TCFL5: variants seen among roughly 807,000 people sequenced by gnomAD.
TCFL5 encodes the protein transcription factor-like 5 protein.
TCFL5 carries 9 observed loss-of-function variants against 44.3 expected under a neutral mutation model. That is an observed-to-expected ratio of 0.20 (90% CI 0.12 to 0.35). The LOEUF is 0.35. Ranked by LOEUF, TCFL5 falls within the 10% of genes least tolerant of loss-of-function variation. The pLI, the probability that TCFL5 is intolerant of heterozygous loss-of-function variation, is 1.00. For synonymous variants in TCFL5, 319 were observed against 271.6 expected (o/e 1.17, Z -1.72); for missense variants, 603 against 613.4 (o/e 0.98, Z 0.18).
chr20:62,851,468 A>C, intron 5 of TCFL5: 1 of 948,364 alleles, frequency 1.1e-6, no homozygotes, highest in Non-Finnish European at 1.3e-6. Flanking sequence ...TAATAGATAC[A>C]CAAAGCCAAA....
In TCFL5 at chr20:62,861,358, C is replaced by G. The variant is rs748056548; in HGVS notation, c.313G>C (p.Val105Leu). The G allele has an allele frequency of 2.3e-5, 24 of 1,066,244 alleles. No individual in the cohort carries two copies. Among genetic ancestry groups the G allele is most frequent in the Non-Finnish European group, 2.5e-5 (22 of 885,384 alleles). The allele number at this position is 1,066,244 out of a possible 1,614,324, so 66.0% of individuals were successfully genotyped here. A position where few individuals can be genotyped will look rare whatever the true frequency, so the allele number is the denominator to read the frequency against. The part of the protein sequence containing the change: ...AAGGQGGAAP[V>L]YPVLCPSALA... ...GCGGACGGGCACAGCACGGGGTACA[C>G]GGGCGCCGCGCCCCCCTGACCGCCC... The change falls in exon 1 of 6, where the codon GTG becomes CTG. Residue 105 changes from valine to leucine, a missense_variant. By Grantham distance (32) the Val-to-Leu change is conservative. Transcript: ENST00000335351. This position sits in a 1 kb window ranked among gnomAD's most constrained non-coding sequence, Gnocchi z 4.0.
Position 62,841,921 on chromosome 20 carries a change from C to T in TCFL5, c.*54G>A. The T allele has an allele frequency of 2.5e-6, 4 of 1,606,296 alleles. No individual in the cohort carries two copies. Among genetic ancestry groups the T allele is most frequent in the Non-Finnish European group, 3.4e-6 (4 of 1,176,794 alleles). On this transcript the variant is annotated 3_prime_UTR_variant, in exon 6 of 6. Transcript: ENST00000335351. ...GAGCTCCAGGGTTGCAGAAGGCGTGCACAGGTCACGAAGGAATGGCTGTTC... is the reference window on the plus strand; with the variant it reads ...GAGCTCCAGGGTTGCAGAAGGCGTGTACAGGTCACGAAGGAATGGCTGTTC...
intron 5 of TCFL5, among the ~76,000 whole-genome samples, chr20:62,846,811 A>C (rs2063749983): frequency 6.6e-6 from 1 of 151,962 alleles, no homozygotes; most frequent in Non-Finnish European, 1.5e-5. Context: ...AATAATACCA[A>C]CAATAAAAAA....
chr20:62,842,266 T>C lies in TCFL5; in HGVS notation c.1381-169A>G, dbSNP rs1328254691. ...TTACCTCACAAGGGGATTTATATAA[T>C]AAACAGATTTTAACTTTTTTTTTTT... On this transcript the variant is annotated intron_variant, in intron 5 of 5. Transcript: ENST00000335351. This position sits in a 1 kb window ranked among gnomAD's most constrained non-coding sequence, Gnocchi z 4.3. Among the ~76,000 whole-genome samples the C allele has an allele frequency of 6.8e-6, 1 of 146,872 alleles. No individual in the cohort carries two copies. Among genetic ancestry groups the C allele is most frequent in the African/African-American group, 2.6e-5 (1 of 38,960 alleles).
At chr20:62,856,267 A>AG (rs1267160395) in intron 4 of TCFL5, among the ~76,000 whole-genome samples, 48 of 150,988 alleles carry the variant, frequency 3.2e-4, no homozygotes, top group African/African-American at 9.4e-4. Context: ...AAAAAAAAAA[A>AG]AAAGAAAAAG....
At chr20:62,848,142 C>A (rs1428510187) in intron 5 of TCFL5, among the ~76,000 whole-genome samples, 1 of 152,142 alleles carries the variant, frequency 6.6e-6, no homozygotes, top group Non-Finnish European at 1.5e-5. Flanking sequence ...CAACAGACAG[C>A]ACGTGAGGGA....
intron 5 of TCFL5, among the ~76,000 whole-genome samples, chr20:62,846,583 G>C (rs2063745279): frequency 6.6e-6 from 1 of 152,132 alleles, no homozygotes; most frequent in Non-Finnish European, 1.5e-5. Flanking sequence ...AGATACTCAT[G>C]TTAGATTTGT....
At chr20:62,845,785 A>C (rs1392493509) in intron 5 of TCFL5, 1 of 1,605,302 alleles carries the variant, frequency 6.2e-7, no homozygotes, top group Non-Finnish European at 8.5e-7. Flanking sequence ...GAGCTGGAGA[A>C]TGGGGAAGGT....
intron 3 of TCFL5, among the ~76,000 whole-genome samples, chr20:62,858,301 T>C (rs1192583465): frequency 6.6e-6 from 1 of 152,266 alleles, no homozygotes; most frequent in Non-Finnish European, 1.5e-5. Context: ...GGCGTGCTCA[T>C]GTGCACGCGT....
At chr20:62,846,147 T>C in intron 5 of TCFL5, 1 of 1,226,700 alleles carries the variant, frequency 8.2e-7, no homozygotes, top group Non-Finnish European at 1.1e-6. Flanking sequence ...TAATTATCCA[T>C]CTAAATTTAA....
At chr20:62,846,315 T>C (rs370824734) in intron 5 of TCFL5, among the ~76,000 whole-genome samples, 3 of 152,066 alleles carry the variant, frequency 2.0e-5, no homozygotes, top group Non-Finnish European at 4.4e-5. Context: ...CAGGGTTGAG[T>C]TGTGGTTCCA....
rs1217911411 is a variant in TCFL5, at chr20:62,861,706, C to CGCGGGCGGCGGGCGGCGGGCG, written c.-37_-36insCGCCCGCCGCCCGCCGCCCGC. ...CGCGGCCCAACGGCGGCGAGGGCGA[C>CGCGGGCGGCGGGCGGCGGGCG]GCGGGCGGCGGGCGGCGGGAGGCGG... On this transcript the variant is annotated 5_prime_UTR_variant, in exon 1 of 6. Coordinates refer to ENST00000335351, the MANE Select transcript of TCFL5 (RefSeq NM_006602.4). The surrounding 1 kb of genome is among the most constrained non-coding windows in gnomAD (Gnocchi z 4.0). The CGCGGGCGGCGGGCGGCGGGCG allele has an allele frequency of 7.0e-6, 1 of 143,074 alleles. No homozygotes were observed. Among genetic ancestry groups the CGCGGGCGGCGGGCGGCGGGCG allele is most frequent in the Non-Finnish European group, 1.4e-5 (1 of 69,972 alleles). The allele number at this position is 143,074 out of a possible 1,614,324, so 8.9% of individuals were successfully genotyped here. A position where few individuals can be genotyped will look rare whatever the true frequency, so the allele number is the denominator to read the frequency against.
intron 5 of TCFL5, chr20:62,845,772 G>C (rs748683391): frequency 6.2e-7 from 1 of 1,605,954 alleles, no homozygotes; most frequent in Admixed American, 1.7e-5. Context: ...CATCACCAAG[G>C]AAGAGCTGGA....
At chr20:62,853,470 G>A (rs939799772) in intron 5 of TCFL5, among the ~76,000 whole-genome samples, 10 of 151,470 alleles carry the variant, frequency 6.6e-5, no homozygotes, top group African/African-American at 9.7e-5. Flanking sequence ...CCCAGCCCCC[G>A]CCCCGAGCAG....
intron 5 of TCFL5, among the ~76,000 whole-genome samples, chr20:62,847,288 T>C (rs1338200831): frequency 6.6e-6 from 1 of 151,628 alleles, no homozygotes; most frequent in Non-Finnish European, 1.5e-5. Flanking sequence ...AAATTTACTA[T>C]AATGCATTGA....
chr20:62,852,074 G>T, intron 5 of TCFL5: 1 of 985,356 alleles, frequency 1.0e-6, no homozygotes, highest in Non-Finnish European at 1.2e-6. Context: ...CCAAGTGCTG[G>T]GATCACAGGC....
In TCFL5 at chr20:62,861,221, C is replaced by T. The variant is rs767766533; in HGVS notation, c.450G>A (p.Ala150=). 5 of 1,147,062 alleles carry T rather than the reference C, an allele frequency of 4.4e-6. No individual in the cohort carries two copies. The South Asian group carries it at 7.9e-5, about 18-fold the overall frequency. 71.1% of individuals were successfully genotyped at this position (1,147,062 alleles called of 1,614,324 possible). ...AEKTSGGGDG[A]RARADGAAKE... ...TGGCGGCGCCGTCGGCCCGGGCCCTCGCTCCGTCCCCGCCGCCCGACGTCT... is the reference window on the plus strand; with the variant it reads ...TGGCGGCGCCGTCGGCCCGGGCCCTTGCTCCGTCCCCGCCGCCCGACGTCT... Residue 150 remains alanine, a synonymous_variant, in exon 1 of 6, where the codon GCG becomes GCA. Transcript: ENST00000335351. This position sits in a 1 kb window ranked among gnomAD's most constrained non-coding sequence, Gnocchi z 4.0.
intron 5 of TCFL5, among the ~76,000 whole-genome samples, chr20:62,853,477 G>T (rs1369050956): frequency 6.6e-6 from 1 of 152,014 alleles, no homozygotes; most frequent in African/African-American, 2.4e-5. Context: ...CCCGCCCCGA[G>T]CAGCTGGGAC....
intron 4 of TCFL5, among the ~76,000 whole-genome samples, chr20:62,855,117 G>A (rs1447115581): frequency 6.6e-6 from 1 of 152,206 alleles, no homozygotes; most frequent in African/African-American, 2.4e-5. Context: ...CCCTCAGTTA[G>A]TCCATGTGTA....
Sources: gnomAD v4.1 joint callset for allele counts (sites outside exome capture counted in the v4.1 genomes callset) on GRCh38, gnomAD v4.1.1 for gene constraint, Gnocchi (gnomAD v3.1) non-coding constraint, MANE v1.5 for transcripts, NCBI Gene and HGNC (gene_info 2026-07-23, HGNC 2026-07-21) for gene names.